ROR2: variants seen among roughly 807,000 people sequenced by gnomAD.
ROR2 encodes the protein ROR family WNT receptor 2.
Under a neutral mutation model 74.9 loss-of-function variants are expected in ROR2, and 33 were observed. The observed-to-expected ratio is 0.44, with a 90% CI of 0.33 to 0.59. The LOEUF is 0.59. Ranked by LOEUF, ROR2 falls within the 20% of genes least tolerant of loss-of-function variation. ROR2 has a pLI of 0.02. For missense variants in ROR2, 1,216 were observed against 1,313.8 expected, an observed-to-expected ratio of 0.93 and a Z score of 1.15; for synonymous variants, 586 against 558.7, an observed-to-expected ratio of 1.05 and a Z score of -0.69.
rs78684503 is a variant in ROR2 at position 91,907,155 on chromosome 9, T to C, written c.97+42712A>G. ...AATCCGTTAAAATAAGAAATCTGCA[T>C]AATTGTCTTAAGTGATAAACAGGAA... On this transcript the variant is annotated intron_variant, in intron 1 of 8. Transcript: ENST00000375708. Among the ~76,000 whole-genome samples, 19 of 152,288 alleles carry C rather than the reference T, an allele frequency of 1.2e-4. No homozygotes were observed. In the East Asian group the frequency reaches 3.5e-3, roughly 28 times the overall value.
At chr9:91,740,342 A>T (rs1372209750) in intron 4 of ROR2, among the ~76,000 whole-genome samples, 2 of 152,056 alleles carry the variant, frequency 1.3e-5, no homozygotes, top group Non-Finnish European at 2.9e-5. Context: ...AGGTCAGAAG[A>T]TCGAGACCAT....
intron 8 of ROR2, 104 bp from the exon 9 acceptor site, chr9:91,725,211 G>GC: frequency 6.3e-7 from 1 of 1,582,038 alleles, no homozygotes; most frequent in Admixed American, 1.7e-5. Flanking sequence ...GCCACGACTA[G>GC]GGGGGCCTTG....
intron 1 of ROR2, among the ~76,000 whole-genome samples, chr9:91,848,764 G>GAAAAAA (rs36044426): frequency 5.8e-5 from 6 of 103,752 alleles, no homozygotes; most frequent in African/African-American, 1.1e-4. Flanking sequence ...CAGGGGGGAA[G>GAAAAAA]AAAAAAAAAA....
At chr9:91,900,940 G>A (rs932825989) in intron 1 of ROR2, among the ~76,000 whole-genome samples, 4 of 152,206 alleles carry the variant, frequency 2.6e-5, no homozygotes, top group Admixed American at 2.0e-4. Context: ...ATCAGATACT[G>A]GACTATAAAT....
intron 8 of ROR2, among the ~76,000 whole-genome samples, chr9:91,726,273 G>A (rs916679486): frequency 5.3e-5 from 8 of 152,186 alleles, no homozygotes; most frequent in Non-Finnish European, 1.0e-4. Context: ...GAGGACACTC[G>A]CTGGGGCCCA....
chr9:91,944,867 C>A (rs1202854002), intron 1 of ROR2, among the ~76,000 whole-genome samples: 1 of 152,014 alleles, frequency 6.6e-6, no homozygotes, highest in Admixed American at 6.6e-5. Context: ...GCCTGGGCAA[C>A]ACAAGTGGAC....
rs79778148 is a variant in ROR2 at position 91,776,872 on chromosome 9, C to T, written c.98-1054G>A. Reference sequence around the variant, plus strand: ...AACTGCTTAGAAATTGACAAATGGTCTGAAACACTCAAATAAATACATACC... The same window carrying T: ...AACTGCTTAGAAATTGACAAATGGTTTGAAACACTCAAATAAATACATACC... On this transcript the variant is annotated intron_variant, in intron 1 of 8. Transcript: ENST00000375708. Among the ~76,000 whole-genome samples the T allele has an allele frequency of 1.9e-4, 29 of 152,274 alleles. No individual in the cohort carries two copies. In the East Asian group the frequency reaches 5.6e-3, roughly 29 times the overall value.
At position 91,775,738 on chromosome 9, in the gene ROR2, C is replaced by A. The variant is rs557936422; in HGVS notation, c.175+3G>T. On this transcript the variant is annotated splice_donor_region_variant and intron_variant, in intron 2 of 8. Coordinates refer to ENST00000375708, the MANE Select transcript of ROR2 (RefSeq NM_004560.4). ...TGGAGAGCACCTGCATGTCCCAGCTCACCTTTCAGAGTTGGAATCGGGCCG... is the reference window on the plus strand; with the variant it reads ...TGGAGAGCACCTGCATGTCCCAGCTAACCTTTCAGAGTTGGAATCGGGCCG... 5.6e-6 allele frequency: 9 copies of A among 1,614,022 alleles called. No individual in the cohort carries two copies. In the Admixed American group the frequency reaches 8.3e-5, roughly 15 times the overall value.
Position 91,733,229 on chromosome 9 carries a change from A to G in ROR2, c.830T>C (p.Ile277Thr). 6.2e-7 allele frequency: 1 copy of G among 1,612,716 alleles called. No individual in the cohort carries two copies. Among genetic ancestry groups the G allele is most frequent in the South Asian group, 1.1e-5 (1 of 90,934 alleles). ...EYTIARSNPL[I>T]LMRLQLPKCE... ...CTTGGGCAGCTGAAGCCGCATGAGG[A>G]TGAGCGGGTTGGAGCGGGCGATGGT... Residue 277 changes from isoleucine to threonine, a missense_variant, in exon 6 of 9, where the codon ATC (isoleucine) becomes ACC (threonine). Coordinates refer to ENST00000375708, the MANE Select transcript of ROR2 (RefSeq NM_004560.4). This position sits in a 1 kb window ranked among gnomAD's most constrained non-coding sequence, Gnocchi z 5.7.
chr9:91,745,313 C>T (rs932433326), intron 4 of ROR2, among the ~76,000 whole-genome samples: 19 of 151,274 alleles, frequency 1.3e-4, no homozygotes, highest in Non-Finnish European at 2.2e-4. Context: ...TTAGTAGAGA[C>T]GGGGTTTCTC....
intron 1 of ROR2, among the ~76,000 whole-genome samples, chr9:91,921,818 G>A (rs1029562353): frequency 2.1e-4 from 30 of 146,158 alleles, no homozygotes; most frequent in Admixed American, 5.6e-4. Flanking sequence ...CCAAGATCGC[G>A]CCACTGCACT....
At chr9:91,814,939 T>G (rs1050713672) in intron 1 of ROR2, among the ~76,000 whole-genome samples, 1 of 152,170 alleles carries the variant, frequency 6.6e-6, no homozygotes, top group Non-Finnish European at 1.5e-5. Flanking sequence ...GGCCCCCTCC[T>G]CACCCCACAA....
chr9:91,825,661 T>C (rs138758830), intron 1 of ROR2, among the ~76,000 whole-genome samples: 1 of 152,212 alleles, frequency 6.6e-6, no homozygotes, highest in East Asian at 1.9e-4. Flanking sequence ...TCACAGGACT[T>C]TTGAGTCAGC....
At chr9:91,752,291 C>G (rs1034268807) in intron 4 of ROR2, among the ~76,000 whole-genome samples, 1 of 152,182 alleles carries the variant, frequency 6.6e-6, no homozygotes, top group Non-Finnish European at 1.5e-5. Context: ...TATTCCTATA[C>G]AAGGAACTTT....
chr9:91,791,252 C>T (rs183683373), intron 1 of ROR2, among the ~76,000 whole-genome samples: 29 of 152,278 alleles, frequency 1.9e-4, no homozygotes, highest in African/African-American at 6.0e-4. Context: ...TTTAGATACA[C>T]GAATACCACT....
chr9:91,861,380 A>T (rs1331775894), intron 1 of ROR2, among the ~76,000 whole-genome samples: 2 of 152,244 alleles, frequency 1.3e-5, no homozygotes, highest in Non-Finnish European at 2.9e-5. Flanking sequence ...TCAGTAACTG[A>T]AGTAGTATGG....
At chr9:91,773,771 C>A (rs912679372) in intron 2 of ROR2, among the ~76,000 whole-genome samples, 6 of 152,218 alleles carry the variant, frequency 3.9e-5, no homozygotes, top group African/African-American at 1.4e-4. Context: ...CCAGGGCCCC[C>A]ACTGGGCTTC....
In ROR2 at chr9:91,831,224, G is replaced by T. The variant is rs1828456533; in HGVS notation, c.98-55406C>A. Among the ~76,000 whole-genome samples, 7 of 151,250 alleles carry T rather than the reference G, an allele frequency of 4.6e-5. No individual in the cohort carries two copies. In the South Asian group the frequency reaches 1.5e-3, roughly 32 times the overall value. ...TGTGGTGAGCCGAGATTGCACCACT[G>T]CACTCCAAGCCTAGGCAACAAGAGC... On this transcript the variant is annotated intron_variant, in intron 1 of 8. Coordinates refer to ENST00000375708, the MANE Select transcript of ROR2 (RefSeq NM_004560.4).
chr9:91,871,494 C>A (rs1658937244), intron 1 of ROR2, among the ~76,000 whole-genome samples: 1 of 152,196 alleles, frequency 6.6e-6, no homozygotes, highest in Admixed American at 6.5e-5. Context: ...TATTCAATTT[C>A]CATTTTAAAT....
Sources: allele counts gnomAD v4.1 joint callset (sites outside exome capture counted in the v4.1 genomes callset), GRCh38; gene constraint gnomAD v4.1.1; non-coding constraint Gnocchi (gnomAD v3.1); transcripts MANE v1.5; gene names NCBI Gene and HGNC (gene_info 2026-07-23, HGNC 2026-07-21).